The following ELMO1 variants were observed in gnomAD, a reference collection of about 807,000 sequenced individuals.
ELMO1 encodes the protein engulfment and cell motility protein 1.
In ELMO1, 26 loss-of-function variants were observed where a neutral mutation model predicts 98.9. The ratio of observed to expected loss-of-function variants is 0.26; its 90% CI spans 0.19 to 0.36. ELMO1 has a LOEUF of 0.36. Among genes scored for constraint, ELMO1 ranks in the 10% least tolerant of loss-of-function variants. The pLI is 1.00. For missense variants in ELMO1, 627 were observed against 935.2 expected (o/e 0.67, Z 4.30); for synonymous variants, 346 against 346.0 (o/e 1.00, Z 0.00).
intron 16 of ELMO1, among the ~76,000 whole-genome samples, chr7:36,993,996 T>C (rs894521778): frequency 3.9e-5 from 6 of 152,196 alleles, no homozygotes; most frequent in African/African-American, 1.4e-4. Flanking sequence ...GAACATACAC[T>C]GAGAAAACAT....
chr7:37,090,350 TATA>T (rs1442454469), intron 15 of ELMO1, among the ~76,000 whole-genome samples: 1 of 152,286 alleles, frequency 6.6e-6, no homozygotes, highest in East Asian at 1.9e-4. Flanking sequence ...ACCCAGAAAA[TATA>T]ATCTAATTCT....
intron 13 of ELMO1, among the ~76,000 whole-genome samples, chr7:37,164,583 G>A (rs1014114087): frequency 1.1e-4 from 16 of 152,178 alleles, no homozygotes; most frequent in South Asian, 4.2e-4. Context: ...AGCACCATTT[G>A]TTAAATAGGG....
chr7:37,170,921 A>T (rs1341060819), intron 13 of ELMO1, among the ~76,000 whole-genome samples: 1 of 152,144 alleles, frequency 6.6e-6, no homozygotes. Flanking sequence ...TTCATTTTAT[A>T]AATTTATTTT....
intron 13 of ELMO1, among the ~76,000 whole-genome samples, chr7:37,172,984 T>C (rs553157142): frequency 6.6e-5 from 10 of 152,300 alleles, no homozygotes; most frequent in East Asian, 5.8e-4. Context: ...ACTCGGATCC[T>C]GAAACAATAA....
intron 16 of ELMO1, among the ~76,000 whole-genome samples, chr7:36,991,849 T>C (rs1791900946): frequency 6.6e-6 from 1 of 152,082 alleles, no homozygotes; most frequent in South Asian, 2.1e-4. Flanking sequence ...CATTTCCAAA[T>C]GGAGAAACGA....
chr7:37,100,818 C>A (rs1248104422), intron 14 of ELMO1, among the ~76,000 whole-genome samples: 1 of 152,234 alleles, frequency 6.6e-6, no homozygotes, highest in Non-Finnish European at 1.5e-5. Context: ...GGACACAAAG[C>A]AGCTATGAGA....
chr7:37,198,377 A>G (rs1185291167), intron 13 of ELMO1, among the ~76,000 whole-genome samples: 1 of 152,240 alleles, frequency 6.6e-6, no homozygotes, highest in Non-Finnish European at 1.5e-5. Flanking sequence ...CCAAATGACA[A>G]TCATCAATTG....
chr7:36,954,147 A>G (rs1243675457), intron 16 of ELMO1, among the ~76,000 whole-genome samples: 1 of 152,158 alleles, frequency 6.6e-6, no homozygotes, highest in African/African-American at 2.4e-5. Flanking sequence ...TCTGGACAGC[A>G]GACCCCACAC....
At chr7:37,217,157 C>T (rs551779694) in intron 10 of ELMO1, among the ~76,000 whole-genome samples, 1 of 152,146 alleles carries the variant, frequency 6.6e-6, no homozygotes, top group South Asian at 2.1e-4. Context: ...AATACATATA[C>T]CAGGCTACAT....
chr7:37,076,028 T>G (rs1797559483), intron 15 of ELMO1, among the ~76,000 whole-genome samples: 1 of 152,228 alleles, frequency 6.6e-6, no homozygotes, highest in Non-Finnish European at 1.5e-5. Flanking sequence ...GAAACACATT[T>G]GTACTACATC....
At chr7:37,396,018 C>T (rs1035702634) in intron 1 of ELMO1, among the ~76,000 whole-genome samples, 1 of 152,098 alleles carries the variant, frequency 6.6e-6, no homozygotes, top group African/African-American at 2.4e-5. Flanking sequence ...ATTGAGTCAT[C>T]CTCAGCTGCA....
chr7:37,165,052 A>G (rs553743432), intron 13 of ELMO1, among the ~76,000 whole-genome samples: 168 of 152,238 alleles, frequency 1.1e-3, no homozygotes, highest in African/African-American at 3.7e-3. Flanking sequence ...GGTCCTTCAC[A>G]TCCCTTGTAA....
chr7:36,867,240 T>G (rs1391728188), intron 20 of ELMO1, among the ~76,000 whole-genome samples: 1 of 152,210 alleles, frequency 6.6e-6, no homozygotes, highest in Non-Finnish European at 1.5e-5. Context: ...CTATGTTTTA[T>G]GAGTGTCATG....
intron 1 of ELMO1, among the ~76,000 whole-genome samples, chr7:37,445,081 G>A (rs1437570594): frequency 6.6e-6 from 1 of 152,172 alleles, no homozygotes; most frequent in Non-Finnish European, 1.5e-5. Flanking sequence ...CTGGGTGTCT[G>A]TTTTATGAAA....
chr7:36,954,316 C>A (rs1332979483), intron 16 of ELMO1, among the ~76,000 whole-genome samples: 1 of 152,096 alleles, frequency 6.6e-6, no homozygotes, highest in Non-Finnish European at 1.5e-5. Context: ...AGGGTTCTGG[C>A]CAAATGTTTA....
chr7:37,394,298 G>A (rs1803199762), intron 1 of ELMO1, among the ~76,000 whole-genome samples: 1 of 152,194 alleles, frequency 6.6e-6, no homozygotes, highest in South Asian at 2.1e-4. Context: ...GGCATGTTCA[G>A]AAACCTGAAA....
chr7:37,163,393 G>A (rs538780444), intron 13 of ELMO1, among the ~76,000 whole-genome samples: 1 of 151,554 alleles, frequency 6.6e-6, no homozygotes, highest in Non-Finnish European at 1.5e-5. Flanking sequence ...TGCACAATGT[G>A]CAGGTTAGTT....
intron 4 of ELMO1, among the ~76,000 whole-genome samples, chr7:37,277,051 T>G (rs1293542444): frequency 6.6e-6 from 1 of 152,088 alleles, no homozygotes; most frequent in African/African-American, 2.4e-5. Context: ...TCCAGAAGAG[T>G]GGACACCTAT....
chr7:37,211,135 C>G (rs777571182), intron 13 of ELMO1: 202 of 414,646 alleles, frequency 4.9e-4, no homozygotes, highest in Non-Finnish European at 1.8e-4. Context: ...GCTAACTACT[C>G]TCGGTTACAC....
Sources: gnomAD v4.1 joint callset for allele counts (sites outside exome capture counted in the v4.1 genomes callset) on GRCh38, gnomAD v4.1.1 for gene constraint, MANE v1.5 for transcripts, NCBI Gene and HGNC (gene_info 2026-07-23, HGNC 2026-07-21) for gene names.